SMG1: variants seen among roughly 807,000 people sequenced by gnomAD.
SMG1 encodes the protein SMG1 nonsense mediated mRNA decay associated PI3K related kinase.
In SMG1, 22 loss-of-function variants were observed where a neutral mutation model predicts 419.9. The observed-to-expected ratio is 0.05, with a 90% CI of 0.04 to 0.07. SMG1 has a LOEUF of 0.07. SMG1 is among the 10% of genes least tolerant of loss of function. SMG1 has a pLI of 1.00. For synonymous variants in SMG1, 1,538 were observed against 1,553.5 expected (o/e 0.99, Z 0.23); for missense variants, 3,185 against 4,342.0 (o/e 0.73, Z 7.49).
At chr16:18,903,933 T>TC (rs763065452) in intron 1 of SMG1, among the ~76,000 whole-genome samples, 57 of 123,662 alleles carry the variant, frequency 4.6e-4, no homozygotes, top group Non-Finnish European at 7.9e-4. Context: ...GTATGTCTTG[T>TC]CTTTTTTTTT....
chr16:18,899,404 G>A (rs2037261355), intron 1 of SMG1, among the ~76,000 whole-genome samples: 1 of 152,076 alleles, frequency 6.6e-6, no homozygotes, highest in Non-Finnish European at 1.5e-5. Flanking sequence ...TAGAGCCACT[G>A]TCTCAGAAAT....
intron 57 of SMG1, among the ~76,000 whole-genome samples, chr16:18,816,787 G>A (rs921915819): frequency 6.6e-5 from 10 of 152,096 alleles, no homozygotes; most frequent in African/African-American, 2.2e-4. Flanking sequence ...AATACATTCG[G>A]AATCACAAAG....
chr16:18,860,525 G>A (rs1176913963), intron 26 of SMG1, 142 bp downstream of exon 26: 2 of 556,822 alleles, frequency 3.6e-6, no homozygotes, highest in Non-Finnish European at 6.4e-6. Flanking sequence ...AAATAGGGCA[G>A]CCCTAAATTT....
chr16:18,854,082 C>CTTTTTTT (rs11448105), intron 30 of SMG1, among the ~76,000 whole-genome samples: 1 of 84,010 alleles, frequency 1.2e-5, no homozygotes, highest in Non-Finnish European at 2.1e-5. Flanking sequence ...AAATACTAAA[C>CTTTTTTT]TTTTTTTTTT....
intron 29 of SMG1, among the ~76,000 whole-genome samples, chr16:18,855,306 C>T (rs2034835493): frequency 6.6e-6 from 1 of 152,172 alleles, no homozygotes; most frequent in Non-Finnish European, 1.5e-5. Flanking sequence ...CAGTCTCTTT[C>T]TCTTCCATCA....
In SMG1 at chr16:18,829,977, T is replaced by C. The variant is rs368059624; in HGVS notation, c.9082A>G (p.Thr3028Ala). 9 of 1,587,038 alleles carry C rather than the reference T, an allele frequency of 5.7e-6. No homozygotes were observed. The African/African-American group carries it at 1.1e-4, about 19-fold the overall frequency. ...CAGAGCCTGAAGAACTCCTTAATAGTCTGTAGTCTTTTTAGAAAGAAAATC... is the reference window on the plus strand; with the variant it reads ...CAGAGCCTGAAGAACTCCTTAATAGCCTGTAGTCTTTTTAGAAAGAAAATC... ...EEIFFLKRLQTIKEFFRLCGT... is the reference protein window; with the variant it reads ...EEIFFLKRLQAIKEFFRLCGT... Residue 3028 changes from threonine to alanine, a missense_variant, in exon 53 of 63, where the codon ACT (threonine) becomes GCT (alanine). Physicochemically the swap from Thr to Ala is moderately conservative, Grantham distance 58. Coordinates refer to ENST00000446231, the MANE Select transcript of SMG1 (RefSeq NM_015092.5).
chr16:18,850,499 T>A, intron 33 of SMG1, 32 bp from the exon 34 acceptor site: 1 of 1,473,234 alleles, frequency 6.8e-7, no homozygotes, highest in Non-Finnish European at 9.4e-7. Flanking sequence ...AATGCTATTT[T>A]AAATACAAAC....
intron 1 of SMG1, among the ~76,000 whole-genome samples, chr16:18,915,596 G>A (rs1054873236): frequency 1.5e-4 from 23 of 152,036 alleles, no homozygotes; most frequent in African/African-American, 5.3e-4. Flanking sequence ...CCAGATCCAT[G>A]CACATATGCA....
rs2033644559 is a variant in SMG1, at chr16:18,837,421, T to C, written c.7436A>G (p.Asp2479Gly). 6.2e-7 allele frequency: 1 copy of C among 1,613,756 alleles called. No individual in the cohort carries two copies. The highest frequency in any genetic ancestry group is 1.3e-5 in the African/African-American group (1 of 75,052). The change falls in exon 46 of 63, where the codon GAT (aspartate) becomes GGT (glycine). Residue 2479 changes from aspartate to glycine, a missense_variant. Asp to Gly is a moderately conservative substitution (Grantham distance 94). Coordinates refer to ENST00000446231, the MANE Select transcript of SMG1 (RefSeq NM_015092.5). ...CTTGGGAAGCACAACCAGCATCTCA[T>C]CTCTATTCTTAAACCAGTTCACCTG... ...EIKVNWFKNR[D>G]EMLVVLPKLD... is the part of the protein sequence containing the mutation.
At chr16:18,897,421 G>T (rs981226503) in intron 1 of SMG1, among the ~76,000 whole-genome samples, 6 of 152,136 alleles carry the variant, frequency 3.9e-5, no homozygotes, top group African/African-American at 1.4e-4. Context: ...GCATGTCAGG[G>T]ACGGGCAATG....
chr16:18,922,330 T>C (rs1259460973), intron 1 of SMG1, among the ~76,000 whole-genome samples: 1 of 152,182 alleles, frequency 6.6e-6, no homozygotes, highest in Admixed American at 6.5e-5. Flanking sequence ...AGATATCCCT[T>C]TGTTCTAAGA....
intron 57 of SMG1, among the ~76,000 whole-genome samples, 184 bp from the exon 58 acceptor site, chr16:18,816,713 T>A (rs2032034250): frequency 6.6e-6 from 1 of 152,238 alleles, no homozygotes; most frequent in Non-Finnish European, 1.5e-5. Flanking sequence ...GAAATATAGA[T>A]GAAGATTTTT....
At chr16:18,892,467 T>C in intron 3 of SMG1, 113 bp from the exon 4 acceptor site, 1 of 834,068 alleles carries the variant, frequency 1.2e-6, no homozygotes, top group East Asian at 3.2e-5. Flanking sequence ...TGGTGGCTCA[T>C]GCCTGTAATC....
chr16:18,827,508 T>C (rs955310112), intron 55 of SMG1, among the ~76,000 whole-genome samples: 6 of 146,278 alleles, frequency 4.1e-5, no homozygotes, highest in African/African-American at 1.5e-4. Context: ...AAAATATATA[T>C]TTTTATATAT....
At chr16:18,856,193 C>T (rs2034892216) in intron 29 of SMG1, 1 of 152,352 alleles carries the variant, frequency 6.6e-6, no homozygotes, top group African/African-American at 2.4e-5. Flanking sequence ...GACCGGGTGT[C>T]ACTCTGTCAC....
At chr16:18,892,486 T>C (rs2036927329) in intron 3 of SMG1, 132 bp from the exon 4 acceptor site, 4 of 679,964 alleles carry the variant, frequency 5.9e-6, no homozygotes, top group African/African-American at 3.7e-5. Context: ...TCCCAGTACT[T>C]TGGAAGGCGG....
chr16:18,838,684 A>G lies in SMG1; in HGVS notation c.6951T>C (p.Tyr2317=), dbSNP rs1194533357. ...PDEWWRVTQS[Y]ARSTAVMSMV... The stretch of plus-strand genomic sequence containing the variant: ...TAGACATGACTGCAGTAGATCTTGC[A>G]TAAGACTAAAGGAAAGGAAATGGGG... Residue 2317 remains tyrosine (Y), a synonymous_variant, in exon 43 of 63, where the codon TAT becomes TAC. Transcript: ENST00000446231. The G allele has an allele frequency of 6.3e-6, 10 of 1,595,938 alleles. No homozygotes were observed. Among genetic ancestry groups the G allele is most frequent in the Middle Eastern group, 1.7e-4 (1 of 5,970 alleles).
intron 60 of SMG1, among the ~76,000 whole-genome samples, chr16:18,814,905 G>GTTTA (rs1304152974): frequency 8.0e-6 from 1 of 125,726 alleles, no homozygotes; most frequent in Admixed American, 8.5e-5. Context: ...TTTAATAGCT[G>GTTTA]TTTATTTATT....
chr16:18,879,240 C>T, intron 11 of SMG1: 3 of 464,072 alleles, frequency 6.5e-6, no homozygotes, highest in Admixed American at 3.4e-5. Flanking sequence ...CTCAGCCTCC[C>T]GAGTAGCTAG....
Sources: gnomAD v4.1 joint callset for allele counts (sites outside exome capture counted in the v4.1 genomes callset) on GRCh38, gnomAD v4.1.1 for gene constraint, MANE v1.5 for transcripts, NCBI Gene and HGNC (gene_info 2026-07-23, HGNC 2026-07-21) for gene names.